The following PRDM10 variants were observed in gnomAD, a reference collection of about 807,000 sequenced individuals.
The protein encoded by PRDM10 is PR/SET domain 10.
A neutral mutation model predicts 133.1 loss-of-function variants in PRDM10; 65 were observed. The ratio of observed to expected loss-of-function variants is 0.49; its 90% CI spans 0.40 to 0.60. The LOEUF (loss-of-function observed/expected upper bound fraction) is 0.60, where lower values mean the gene tolerates loss of function less well. PRDM10 is among the 20% of genes least tolerant of loss of function. The pLI, the probability that PRDM10 is intolerant of heterozygous loss-of-function variation, is 0.00. For missense variants in PRDM10, 1,137 were observed against 1,507.1 expected (o/e 0.75, Z 4.07); for synonymous variants, 582 against 580.4 (o/e 1.00, Z -0.04).
intron 1 of PRDM10, among the ~76,000 whole-genome samples, chr11:129,974,381 AAG>A (rs1196481419): frequency 4.6e-5 from 7 of 152,216 alleles, no homozygotes; most frequent in Admixed American, 3.3e-4. Flanking sequence ...AGTATTCCAG[AAG>A]AGAGCAATAA....
At position 129,917,218 on chromosome 11, in the gene PRDM10, C is replaced by T; in HGVS notation, c.2234G>A (p.Arg745Lys). Residue 745 changes from arginine to lysine, a missense_variant, in exon 15 of 21, where the codon AGA becomes AAA. Around this residue, in one of 6 missense-constraint regions of PRDM10, gnomAD observed 65 missense variants for 151.1 expected, o/e 0.43. Transcript: ENST00000360871. ...CTCTTCTATCTTCATGTCTGGGTGT[C>T]TCTTCGATAAGTGATTTACCTAAAG... Reference protein sequence around the residue: ...RGMLVNHLSKRHPDMKIEEVP... With the variant: ...RGMLVNHLSKKHPDMKIEEVP... 6.2e-7 allele frequency: 1 copy of T among 1,612,626 alleles called. No individual in the cohort carries two copies. Among genetic ancestry groups the T allele is most frequent in the Non-Finnish European group, 8.5e-7 (1 of 1,178,822 alleles).
intron 1 of PRDM10, among the ~76,000 whole-genome samples, chr11:129,975,918 C>T (rs909665679): frequency 1.3e-5 from 2 of 152,226 alleles, no homozygotes; most frequent in Non-Finnish European, 2.9e-5. Flanking sequence ...CACTATCCCA[C>T]TTCCTAAGCT....
chr11:129,902,309 G>A lies in PRDM10; in HGVS notation c.*4C>T, dbSNP rs372614307. The A allele has an allele frequency of 3.7e-6, 6 of 1,613,662 alleles. No homozygotes were observed. Among genetic ancestry groups the A allele is most frequent in the Non-Finnish European group, 4.2e-6 (5 of 1,179,844 alleles). Reference sequence around the variant, plus strand: ...GGTGCTGGATTCAAGCTCCAGGGTGGAAGTCATGGTTTGGTGATATGCACT... The same window carrying A: ...GGTGCTGGATTCAAGCTCCAGGGTGAAAGTCATGGTTTGGTGATATGCACT... On this transcript the variant is annotated 3_prime_UTR_variant, in exon 21 of 21. Coordinates refer to ENST00000360871, the MANE Select transcript of PRDM10 (RefSeq NM_199437.2).
chr11:129,995,206 T>G (rs1199499031), intron 1 of PRDM10, among the ~76,000 whole-genome samples: 1 of 152,096 alleles, frequency 6.6e-6, no homozygotes, highest in African/African-American at 2.4e-5. Flanking sequence ...TTCATCAACT[T>G]CAAGAGAAAA....
Position 129,947,602 on chromosome 11 carries a change from T to G in PRDM10, c.295-232A>C. The G allele has an allele frequency of 7.3e-7, 1 of 1,379,292 alleles. No individual in the cohort carries two copies. The highest frequency in any genetic ancestry group is 9.5e-7 in the Non-Finnish European group (1 of 1,053,228). 85.4% of individuals were successfully genotyped at this position (1,379,292 alleles called of 1,614,324 possible). On this transcript the variant is annotated intron_variant, in intron 4 of 20. Coordinates refer to ENST00000360871, the MANE Select transcript of PRDM10 (RefSeq NM_199437.2). The surrounding 1 kb of genome is among the most constrained non-coding windows in gnomAD (Gnocchi z 4.6). ...GCCTCTGCCCTCCCTCTGCCCCTTCTGTCCCACACCTGGGAGGGCTGCTAA... is the reference window on the plus strand; with the variant it reads ...GCCTCTGCCCTCCCTCTGCCCCTTCGGTCCCACACCTGGGAGGGCTGCTAA...
intron 20 of PRDM10, among the ~76,000 whole-genome samples, chr11:129,905,231 G>A (rs1312973779): frequency 3.3e-5 from 5 of 151,946 alleles, no homozygotes; most frequent in Admixed American, 2.6e-4. Context: ...GTGTGGTGGT[G>A]CGTGTCTGTA....
intron 17 of PRDM10, among the ~76,000 whole-genome samples, chr11:129,912,926 G>T (rs1427751612): frequency 6.6e-6 from 1 of 151,906 alleles, no homozygotes; most frequent in Middle Eastern, 3.4e-3. Flanking sequence ...TGGGTGTGGT[G>T]GCGAGCACCT....
intron 2 of PRDM10, among the ~76,000 whole-genome samples, chr11:129,960,460 G>A (rs1427511546): frequency 1.3e-5 from 2 of 152,054 alleles, no homozygotes; most frequent in Non-Finnish European, 2.9e-5. Context: ...GACTCATAAT[G>A]GAACAACTTT....
intron 1 of PRDM10, among the ~76,000 whole-genome samples, chr11:129,963,449 GAGA>G (rs750298356): frequency 1.2e-3 from 181 of 150,016 alleles, no homozygotes; most frequent in African/African-American, 1.7e-3. Flanking sequence ...GAGAAGAGAA[GAGA>G]AGAAGTCATA....
intron 10 of PRDM10, 110 bp from the exon 11 acceptor site, chr11:129,931,368 A>C: frequency 1.4e-6 from 2 of 1,399,358 alleles, no homozygotes. Context: ...CTCAGAAAAA[A>C]TATTCTCCCT....
intron 1 of PRDM10, among the ~76,000 whole-genome samples, chr11:129,986,907 T>C (rs893944339): frequency 6.6e-6 from 1 of 152,192 alleles, no homozygotes; most frequent in African/African-American, 2.4e-5. Context: ...ACCTGGCCCA[T>C]AGGAACACTC....
chr11:129,954,489 T>A (rs1951658477), intron 4 of PRDM10, among the ~76,000 whole-genome samples: 1 of 152,014 alleles, frequency 6.6e-6, no homozygotes, highest in Admixed American at 6.6e-5. Flanking sequence ...GGTCTCGAAC[T>A]CCTGACCTCA....
At chr11:129,971,753 G>A (rs962788083) in intron 1 of PRDM10, among the ~76,000 whole-genome samples, 2 of 152,238 alleles carry the variant, frequency 1.3e-5, no homozygotes, top group Non-Finnish European at 2.9e-5. Flanking sequence ...CCAGACTCAG[G>A]AGCCCAGCTG....
intron 4 of PRDM10, among the ~76,000 whole-genome samples, chr11:129,948,857 C>T (rs938348775): frequency 6.6e-6 from 1 of 152,200 alleles, no homozygotes; most frequent in Non-Finnish European, 1.5e-5. Context: ...GGCCACGTTG[C>T]TCTACTGCAG....
intron 1 of PRDM10, among the ~76,000 whole-genome samples, chr11:129,977,929 C>G (rs186385703): frequency 5.0e-4 from 76 of 151,690 alleles, no homozygotes; most frequent in Non-Finnish European, 8.1e-4. Context: ...CCACTGCACT[C>G]CAGCCTGGGC....
At chr11:129,944,017 C>A (rs1368820523) in intron 6 of PRDM10, among the ~76,000 whole-genome samples, 1 of 151,918 alleles carries the variant, frequency 6.6e-6, no homozygotes, top group Non-Finnish European at 1.5e-5. Context: ...AAAATACAAA[C>A]ATTATAAATA....
At chr11:129,981,412 C>T (rs1253937219) in intron 1 of PRDM10, among the ~76,000 whole-genome samples, 2 of 152,154 alleles carry the variant, frequency 1.3e-5, no homozygotes, top group Admixed American at 1.3e-4. Flanking sequence ...ACACAACACA[C>T]ATAAACTAGC....
chr11:129,944,639 C>A, intron 6 of PRDM10, 132 bp downstream of exon 6: 1 of 1,324,534 alleles, frequency 7.5e-7, no homozygotes, highest in Non-Finnish European at 1.0e-6. Flanking sequence ...TCCATTTAAC[C>A]AAGTTAAGAT....
At chr11:129,905,997 T>C (rs1950005045) in intron 19 of PRDM10, among the ~76,000 whole-genome samples, 1 of 152,160 alleles carries the variant, frequency 6.6e-6, no homozygotes, top group Non-Finnish European at 1.5e-5. Context: ...AGACAAATAC[T>C]CAACAATTTT....
Sources: allele counts gnomAD v4.1 joint callset (sites outside exome capture counted in the v4.1 genomes callset), GRCh38; gene constraint gnomAD v4.1.1; regional missense constraint gnomAD v4.1.1; non-coding constraint Gnocchi (gnomAD v3.1); transcripts MANE v1.5; gene names NCBI Gene and HGNC (gene_info 2026-07-23, HGNC 2026-07-21).